OLAH: variants seen among roughly 807,000 people sequenced by gnomAD.
OLAH encodes the protein oleoyl-ACP hydrolase, also known as S-acyl fatty acid synthase thioesterase, medium chain.
OLAH carries 33 observed loss-of-function variants against 27.8 expected under a neutral mutation model. That is an observed-to-expected ratio of 1.19 (90% CI 0.90 to 1.59). The LOEUF is 1.59. Ranked by LOEUF, OLAH falls within the 40% of genes most tolerant of loss-of-function variation. The pLI is 0.00. For synonymous variants in OLAH, 120 were observed against 102.9 expected (o/e 1.17, Z -1.01); for missense variants, 359 against 310.8 (o/e 1.16, Z -1.17).
At position 15,071,904 on chromosome 10, in the gene OLAH, T is replaced by C. The variant is rs992012421; in HGVS notation, c.655+27T>C. ...TGAAATTATTTTTAGTCTCGAGTAT[T>C]GTATTGAAATATATGTTTGATGGCT... On this transcript the variant is annotated intron_variant, in intron 7 of 7. Coordinates refer to ENST00000378228, the MANE Select transcript of OLAH (RefSeq NM_001039702.3). 5 of 1,527,062 alleles carry C rather than the reference T, an allele frequency of 3.3e-6. No individual in the cohort carries two copies. In the Admixed American group the frequency reaches 5.2e-5, roughly 16 times the overall value. 94.6% of individuals were successfully genotyped at this position (1,527,062 alleles called of 1,614,324 possible).
intron 4 of OLAH, among the ~76,000 whole-genome samples, chr10:15,063,797 A>G (rs144084882): frequency 1.4e-4 from 22 of 152,362 alleles, no homozygotes; most frequent in African/African-American, 5.3e-4. Flanking sequence ...TTTTAATGAA[A>G]AAGACTATAT....
chr10:15,048,877 G>T (rs937039810), intron 2 of OLAH, among the ~76,000 whole-genome samples: 1 of 151,920 alleles, frequency 6.6e-6, no homozygotes, highest in Non-Finnish European at 1.5e-5. Context: ...CGAGGCGGGC[G>T]GATCACCTGA....
intron 6 of OLAH, among the ~76,000 whole-genome samples, chr10:15,066,603 TA>T (rs1019388083): frequency 6.7e-6 from 1 of 149,000 alleles, no homozygotes; most frequent in African/African-American, 2.5e-5. Context: ...TTCCTATTTT[TA>T]TTTTATTTAT....
At chr10:15,072,743 C>T (rs1361056303) in intron 7 of OLAH, among the ~76,000 whole-genome samples, 2 of 151,178 alleles carry the variant, frequency 1.3e-5, no homozygotes, top group African/African-American at 2.4e-5. Flanking sequence ...ATCTCGAGGC[C>T]GTCATCTTCC....
At chr10:15,055,161 A>T (rs1464746615) in intron 3 of OLAH, among the ~76,000 whole-genome samples, 1 of 152,060 alleles carries the variant, frequency 6.6e-6, no homozygotes, top group African/African-American at 2.4e-5. Flanking sequence ...AGATGGGGAA[A>T]GTGTTCTCAT....
At chr10:15,037,703 AG>A (rs1433461299) in intron 1 of OLAH, among the ~76,000 whole-genome samples, 1 of 152,204 alleles carries the variant, frequency 6.6e-6, no homozygotes, top group Non-Finnish European at 1.5e-5. Context: ...AGCTATCCAC[AG>A]GCAGCAGAGT....
In OLAH at chr10:15,073,363, T is replaced by A; in HGVS notation, c.*134T>A. 2 of 653,686 alleles carry A rather than the reference T, an allele frequency of 3.1e-6. No individual in the cohort carries two copies. Among genetic ancestry groups the A allele is most frequent in the South Asian group, 2.1e-5 (1 of 47,882 alleles). The allele number at this position is 653,686 out of a possible 1,614,324, so 40.5% of individuals were successfully genotyped here. A position where few individuals can be genotyped will look rare whatever the true frequency, so the allele number is the denominator to read the frequency against. On this transcript the variant is annotated 3_prime_UTR_variant, in exon 8 of 8. Coordinates refer to ENST00000378228, the MANE Select transcript of OLAH (RefSeq NM_001039702.3). ...CAGGGAGATTCGTTACATAAATATATTTACGTATCTGGGGACAAAGGTCAA... is the reference window on the plus strand; with the variant it reads ...CAGGGAGATTCGTTACATAAATATAATTACGTATCTGGGGACAAAGGTCAA...
Position 15,061,796 on chromosome 10 carries a change from T to C in OLAH, c.236T>C (p.Val79Ala), listed in dbSNP as rs1360874068. Residue 79 changes from valine to alanine, a missense_variant, in exon 4 of 8, where the codon GTT becomes GCT. Val to Ala is a moderately conservative substitution (Grantham distance 64). Coordinates refer to ENST00000378228, the MANE Select transcript of OLAH (RefSeq NM_001039702.3). ...CTTGAAAATGACATCTCCCAGTTAG[T>C]TGATGAAGTTGTTTGTGCTCTGCAG... ...EPLENDISQL[V>A]DEVVCALQPV... 4 of 1,613,990 alleles carry C rather than the reference T, an allele frequency of 2.5e-6. No homozygotes were observed. The highest frequency in any genetic ancestry group is 1.7e-5 in the Admixed American group (1 of 59,968).
intron 3 of OLAH, among the ~76,000 whole-genome samples, chr10:15,060,315 G>A (rs1404266469): frequency 1.3e-5 from 2 of 152,098 alleles, no homozygotes; most frequent in Admixed American, 1.3e-4. Flanking sequence ...GACTACAGGT[G>A]CATGCCACCA....
chr10:15,061,870 A>G lies in OLAH; in HGVS notation c.302+8A>G. ...TGCATTTTTTGGCCACAGGTATTTG[A>G]TATCTGTTTTAAAAGACTTCAGGGG... is the stretch of plus-strand genomic sequence containing the variant. On this transcript the variant is annotated splice_region_variant and intron_variant, in intron 4 of 7. Coordinates refer to ENST00000378228, the MANE Select transcript of OLAH (RefSeq NM_001039702.3). 6.2e-7 allele frequency: 1 copy of G among 1,611,826 alleles called. No individual in the cohort carries two copies. The highest frequency in any genetic ancestry group is 8.5e-7 in the Non-Finnish European group (1 of 1,179,226).
chr10:15,051,056 A>T (rs1196913219), intron 3 of OLAH, among the ~76,000 whole-genome samples: 1 of 143,770 alleles, frequency 7.0e-6, no homozygotes, highest in Non-Finnish European at 1.5e-5. Context: ...TGATTTCAAG[A>T]CTGTTTATTA....
chr10:15,033,409 T>C (rs992017052), intron 1 of OLAH, among the ~76,000 whole-genome samples: 1 of 151,604 alleles, frequency 6.6e-6, no homozygotes, highest in Non-Finnish European at 1.5e-5. Context: ...ATATATATAG[T>C]AAGAGAGTGC....
chr10:15,056,975 T>G, intron 3 of OLAH: 2 of 1,429,024 alleles, frequency 1.4e-6, no homozygotes, highest in South Asian at 1.5e-5. Flanking sequence ...GGATTCTAAT[T>G]TTTTTTAGTA....
At chr10:15,071,733 C>T in intron 6 of OLAH, 62 bp from the exon 7 acceptor site, 5 of 1,500,400 alleles carry the variant, frequency 3.3e-6, no homozygotes, top group African/African-American at 1.4e-5. Context: ...ACATTAGGAA[C>T]AGGAAAAGAT....
upstream of OLAH, among the ~76,000 whole-genome samples, chr10:15,042,268 C>T (rs111264111): frequency 1.3e-5 from 2 of 152,112 alleles, no homozygotes; most frequent in African/African-American, 4.8e-5. Context: ...TCTCCTGCCT[C>T]AGCCTCCCAA....
At chr10:15,061,443 T>G (rs561335488) in intron 3 of OLAH, among the ~76,000 whole-genome samples, 1 of 152,266 alleles carries the variant, frequency 6.6e-6, no homozygotes, top group East Asian at 1.9e-4. Flanking sequence ...AAGCATTTCA[T>G]CAGCACATGA....
At chr10:15,063,487 A>G (rs1844408049) in intron 4 of OLAH, among the ~76,000 whole-genome samples, 1 of 152,192 alleles carries the variant, frequency 6.6e-6, no homozygotes, top group South Asian at 2.1e-4. Context: ...TCCATGCGCA[A>G]TGAACATGGT....
upstream of OLAH, among the ~76,000 whole-genome samples, chr10:15,039,278 C>G (rs74400008): frequency 0.026 from 4,016 of 152,114 alleles, 68 homozygotes; most frequent in South Asian, 0.041. Flanking sequence ...AAAAATCTCC[C>G]TAGAAGACTG....
intron 1 of OLAH, among the ~76,000 whole-genome samples, chr10:15,033,948 G>GA (rs1451432217): frequency 6.6e-6 from 1 of 152,034 alleles, no homozygotes; most frequent in Non-Finnish European, 1.5e-5. Flanking sequence ...AGCAGGTAGG[G>GA]AGAAAGGAAG....
Sources: gnomAD v4.1 joint callset for allele counts (sites outside exome capture counted in the v4.1 genomes callset) on GRCh38, gnomAD v4.1.1 for gene constraint, MANE v1.5 for transcripts, NCBI Gene and HGNC (gene_info 2026-07-23, HGNC 2026-07-21) for gene names.